Variants in OXTR observed in about 807,000 individuals in gnomAD.
OXTR encodes oxytocin receptor.
Under a neutral mutation model 23.9 loss-of-function variants are expected in OXTR, and 19 were observed. That is an observed-to-expected ratio of 0.80 (90% CI 0.56 to 1.17). The LOEUF (loss-of-function observed/expected upper bound fraction) is 1.17, where lower values mean the gene tolerates loss of function less well. Among genes scored for constraint, OXTR ranks in the 50% most tolerant of loss-of-function variants. OXTR has a pLI of 0.00. For synonymous variants in OXTR, 278 were observed against 250.5 expected (o/e 1.11, Z -1.04); for missense variants, 500 against 550.7 (o/e 0.91, Z 0.92).
In OXTR at chr3:8,767,249, C is replaced by G; in HGVS notation, c.922+17G>C. 1 of 1,519,128 alleles carries G rather than the reference C, an allele frequency of 6.6e-7. No homozygotes were observed. The highest frequency in any genetic ancestry group is 8.8e-7 in the Non-Finnish European group (1 of 1,135,612). 94.1% of individuals were successfully genotyped at this position (1,519,128 alleles called of 1,614,324 possible). A position where few individuals can be genotyped will look rare whatever the true frequency, so the allele number is the denominator to read the frequency against. ...GCCACCAGGCTCCCTCCTCCTGGGT[C>G]TCCCAGCCCTGGCTACCTTCCTTGG... On this transcript the variant is annotated intron_variant, in intron 3 of 3. Transcript: ENST00000316793.
At chr3:8,764,895 AG>A (rs1385600746) in intron 3 of OXTR, among the ~76,000 whole-genome samples, 1 of 152,216 alleles carries the variant, frequency 6.6e-6, no homozygotes, top group Non-Finnish European at 1.5e-5. Flanking sequence ...GAGGACCAAG[AG>A]AAGCCCTGGG....
downstream of OXTR, among the ~76,000 whole-genome samples, chr3:8,747,925 C>T (rs574561305): frequency 1.1e-4 from 16 of 152,300 alleles, no homozygotes; most frequent in East Asian, 7.7e-4. Context: ...AGACTATGGT[C>T]GGTGCTTAAT....
the OXTR span, chr3:8,745,154 G>A: frequency 3.9e-6 from 1 of 254,974 alleles, no homozygotes; most frequent in Non-Finnish European, 7.8e-6. The surrounding 1 kb of genome is among the most constrained non-coding windows in gnomAD (Gnocchi z 4.8). Context: ...TCTGGTTGTT[G>A]TAAAGTGTGG....
At position 8,753,050 on chromosome 3, in the gene OXTR, CT is replaced by C. The variant is rs1472941922; in HGVS notation, c.1096del (p.Ser366AlafsTer8). 1 of 1,614,150 alleles carries C rather than the reference CT, an allele frequency of 6.2e-7. No homozygotes were observed. The highest frequency in any genetic ancestry group is 8.5e-7 in the Non-Finnish European group (1 of 1,180,014). ...RLGETSASKKSNSSSFVLSHR... is the reference protein window; with the variant it reads ...RLGETSASKKXNSSSFVLSHR... The stretch of plus-strand genomic sequence containing the variant: ...GCTCAGGACAAAGGAGGACGAGTTG[CT>C]CTTTTTGCTGGCACTCGTCTCTCCC... On this transcript the variant is annotated frameshift_variant, in exon 4 of 4. Transcript: ENST00000316793. LOFTEE classifies it high-confidence loss of function.
At chr3:8,744,275 ATTT>A in the OXTR span, among the ~76,000 whole-genome samples, 6 of 120,846 alleles carry the variant, frequency 5.0e-5, no homozygotes, top group Admixed American at 8.4e-5. Flanking sequence ...GACCAGTGGA[ATTT>A]TTTTTTTTTT....
chr3:8,756,653 CT>C (rs1033584492), intron 3 of OXTR, among the ~76,000 whole-genome samples: 1 of 152,228 alleles, frequency 6.6e-6, no homozygotes, highest in African/African-American at 2.4e-5. Context: ...GTGGTGCCCC[CT>C]GAGTACCCAT....
At chr3:8,744,850 C>T in the OXTR span, 2 of 152,702 alleles carry the variant, frequency 1.3e-5, no homozygotes, top group Admixed American at 1.3e-4. Context: ...AGTCGCTCAC[C>T]TTGAGGGGGT....
the OXTR span, chr3:8,742,372 A>AG: frequency 1.6e-4 from 55 of 345,900 alleles, no homozygotes; most frequent in South Asian, 5.1e-4. Flanking sequence ...AAAAAAAAAA[A>AG]AAGAAGAAGA....
intron 3 of OXTR, among the ~76,000 whole-genome samples, chr3:8,756,239 T>G (rs2124997717): frequency 6.6e-6 from 1 of 152,320 alleles, no homozygotes; most frequent in Non-Finnish European, 1.5e-5. Context: ...ACAATGTTAC[T>G]TCCATGTGAG....
At chr3:8,766,008 T>G (rs907497106) in intron 3 of OXTR, among the ~76,000 whole-genome samples, 1 of 152,176 alleles carries the variant, frequency 6.6e-6, no homozygotes, top group African/African-American at 2.4e-5. Context: ...CTTCCCAGGA[T>G]GCATGTATTT....
At chr3:8,766,736 C>T (rs1452341096) in intron 3 of OXTR, among the ~76,000 whole-genome samples, 1 of 89,556 alleles carries the variant, frequency 1.1e-5, no homozygotes, top group East Asian at 2.2e-4. Context: ...CTTGGTTGGA[C>T]AAATTGCCAC....
downstream of OXTR, among the ~76,000 whole-genome samples, chr3:8,747,902 T>C (rs915227402): frequency 6.6e-6 from 1 of 152,212 alleles, no homozygotes; most frequent in East Asian, 1.9e-4. Flanking sequence ...GCTCACTGTC[T>C]TTCTCTAAGG....
At chr3:8,748,972 C>A (rs1225719361), downstream of OXTR, among the ~76,000 whole-genome samples, 1 of 152,130 alleles carries the variant, frequency 6.6e-6, no homozygotes, top group Non-Finnish European at 1.5e-5. Context: ...TTGCAGAAGA[C>A]AATCTGCAGC....
At chr3:8,767,187 T>C in intron 3 of OXTR, 79 bp downstream of exon 3, 1 of 1,399,620 alleles carries the variant, frequency 7.1e-7, no homozygotes, top group Non-Finnish European at 9.6e-7. Context: ...CACAGACCCC[T>C]GGACATTCTG....
intron 3 of OXTR, among the ~76,000 whole-genome samples, 197 bp downstream of exon 3, chr3:8,767,069 A>T (rs1280370154): frequency 6.6e-6 from 1 of 152,130 alleles, no homozygotes; most frequent in Non-Finnish European, 1.5e-5. Flanking sequence ...CACCTTACAG[A>T]AGAGAAAGTG....
chr3:8,746,464 C>T (rs771773640), downstream of OXTR: 7 of 152,734 alleles, frequency 4.6e-5, no homozygotes, highest in Non-Finnish European at 5.8e-5. Flanking sequence ...GAACCGTACA[C>T]GTTCCTTGGA....
At chr3:8,764,898 AGCCCT>A in intron 3 of OXTR, among the ~76,000 whole-genome samples, 1 of 152,332 alleles carries the variant, frequency 6.6e-6, no homozygotes. Context: ...GACCAAGAGA[AGCCCT>A]GGGTTTTTCA....
intron 3 of OXTR, among the ~76,000 whole-genome samples, chr3:8,756,614 CA>C (rs1338080965): frequency 1.3e-5 from 2 of 152,214 alleles, no homozygotes; most frequent in Non-Finnish European, 2.9e-5. Context: ...AAGCAGTGCC[CA>C]TTCCCCATTT....
rs927223560 is a variant in OXTR, at chr3:8,768,815, C to T, written c.-238-224G>A. ...CAAATAGCCACTTGCCTGGGAAACC[C>T]CAGCTCTGGTCCTTCCCCGTCTAAC... On this transcript the variant is annotated intron_variant, in intron 1 of 3. Coordinates refer to ENST00000316793, the MANE Select transcript of OXTR (RefSeq NM_000916.4). The surrounding 1 kb of genome is among the most constrained non-coding windows in gnomAD (Gnocchi z 5.4). The T allele has an allele frequency of 3.3e-5, 5 of 152,348 alleles. No homozygotes were observed. Among genetic ancestry groups the T allele is most frequent in the African/African-American group, 1.2e-4 (5 of 41,432 alleles). The allele number at this position is 152,348 out of a possible 1,614,324, so 9.4% of individuals were successfully genotyped here.
Sources: allele counts gnomAD v4.1 joint callset (sites outside exome capture counted in the v4.1 genomes callset), GRCh38; gene constraint gnomAD v4.1.1; non-coding constraint Gnocchi (gnomAD v3.1); transcripts MANE v1.5; gene names NCBI Gene and HGNC (gene_info 2026-07-23, HGNC 2026-07-21).